The following ENTREP2 variants were observed in gnomAD, a reference collection of about 807,000 sequenced individuals.
The protein encoded by ENTREP2 is protein ENTREP2.
chr15:29,222,285 G>A, the ENTREP2 span, among the ~76,000 whole-genome samples: 21 of 152,250 alleles, frequency 1.4e-4, no homozygotes, highest in Non-Finnish European at 2.9e-4. Flanking sequence ...ACAATGTCAG[G>A]AAGTTACCCT....
At chr15:29,642,554 CATATATATACTATATACT>C in the ENTREP2 span, among the ~76,000 whole-genome samples, 1,001 of 147,436 alleles carry the variant, frequency 6.8e-3, 16 homozygotes, top group African/African-American at 0.023. Flanking sequence ...CATATATACA[CATATATATACTATATACT>C]ATATATATAC....
the ENTREP2 span, among the ~76,000 whole-genome samples, chr15:29,159,277 T>C: frequency 6.6e-6 from 1 of 151,928 alleles, no homozygotes. Context: ...CTGAAGTTGC[T>C]CATTCCTCCC....
chr15:29,408,858 CTTTT>C, the ENTREP2 span, among the ~76,000 whole-genome samples: 1 of 152,150 alleles, frequency 6.6e-6, no homozygotes, highest in Admixed American at 6.5e-5. Context: ...TGCTTCATCT[CTTTT>C]TCTTTGCTTT....
At chr15:29,384,719 G>A in the ENTREP2 span, among the ~76,000 whole-genome samples, 1 of 151,958 alleles carries the variant, frequency 6.6e-6, no homozygotes, top group South Asian at 2.1e-4. Context: ...CAACCTCCGA[G>A]ACAGCCCCCA....
At chr15:29,532,096 A>T in the ENTREP2 span, among the ~76,000 whole-genome samples, 1 of 152,218 alleles carries the variant, frequency 6.6e-6, no homozygotes, top group Non-Finnish European at 1.5e-5. Context: ...CATGTTGTAC[A>T]AGAGATCTCT....
At chr15:29,657,072 G>A in the ENTREP2 span, among the ~76,000 whole-genome samples, 757 of 152,158 alleles carry the variant, frequency 5.0e-3, 4 homozygotes, top group Admixed American at 6.8e-3. Flanking sequence ...TTTTGAGACC[G>A]AGTCTCCCGC....
chr15:29,554,782 C>G, the ENTREP2 span, among the ~76,000 whole-genome samples: 1 of 152,046 alleles, frequency 6.6e-6, no homozygotes, highest in Non-Finnish European at 1.5e-5. Context: ...GTTTTGCAAA[C>G]GGTTCAGCCT....
chr15:29,288,647 G>A, the ENTREP2 span, among the ~76,000 whole-genome samples: 4,678 of 152,260 alleles, frequency 0.031, 245 homozygotes, highest in African/African-American at 0.1. Flanking sequence ...GCACAGTAAC[G>A]TGCTGTACAG....
the ENTREP2 span, among the ~76,000 whole-genome samples, chr15:29,488,107 T>C: frequency 3.3e-5 from 5 of 152,088 alleles, no homozygotes; most frequent in African/African-American, 1.2e-4. Context: ...CTGGACTTAC[T>C]AAAGACTTTA....
the ENTREP2 span, among the ~76,000 whole-genome samples, chr15:29,225,602 A>G: frequency 6.6e-6 from 1 of 152,176 alleles, no homozygotes; most frequent in Non-Finnish European, 1.5e-5. Context: ...AAATCACAGA[A>G]AAAAACTACC....
chr15:29,266,385 A>G, the ENTREP2 span: 1 of 152,268 alleles, frequency 6.6e-6, no homozygotes, highest in Non-Finnish European at 1.5e-5. Context: ...CACAAGCTCA[A>G]GAGCAGCTTG....
At chr15:29,421,572 CTA>C in the ENTREP2 span, among the ~76,000 whole-genome samples, 4 of 152,166 alleles carry the variant, frequency 2.6e-5, no homozygotes, top group Non-Finnish European at 4.4e-5. Flanking sequence ...ACTTTTTAAA[CTA>C]TGTTTTCATT....
chr15:29,293,380 T>C, the ENTREP2 span, among the ~76,000 whole-genome samples: 5 of 151,642 alleles, frequency 3.3e-5, no homozygotes, highest in Admixed American at 6.6e-5. Flanking sequence ...CCTGAGTAGC[T>C]GGGACTACAG....
chr15:29,343,338 C>G, the ENTREP2 span, among the ~76,000 whole-genome samples: 1 of 152,040 alleles, frequency 6.6e-6, no homozygotes, highest in Non-Finnish European at 1.5e-5. Flanking sequence ...TGCGGGGGGC[C>G]TCATCCAATC....
the ENTREP2 span, among the ~76,000 whole-genome samples, chr15:29,179,786 C>G: frequency 2.0e-4 from 30 of 151,990 alleles, no homozygotes; most frequent in African/African-American, 7.2e-4. Flanking sequence ...GGGGTTTCAC[C>G]GTGTTAGCCA....
the ENTREP2 span, among the ~76,000 whole-genome samples, chr15:29,182,656 A>AAGAG: frequency 4.7e-5 from 7 of 150,362 alleles, no homozygotes; most frequent in Middle Eastern, 3.4e-3. Context: ...ATGAGAAAGA[A>AAGAG]AGAGAGAGAG....
the ENTREP2 span, among the ~76,000 whole-genome samples, chr15:29,592,811 G>C: frequency 6.6e-6 from 1 of 152,158 alleles, no homozygotes; most frequent in Non-Finnish European, 1.5e-5. Flanking sequence ...CTACTTTGTT[G>C]CTGCAAAAGC....
the ENTREP2 span, among the ~76,000 whole-genome samples, chr15:29,344,378 C>T: frequency 6.6e-6 from 1 of 152,202 alleles, no homozygotes; most frequent in Admixed American, 6.5e-5. Flanking sequence ...AACTCAAACC[C>T]TAAACATATG....
the ENTREP2 span, among the ~76,000 whole-genome samples, chr15:29,501,025 C>T: frequency 1.3e-5 from 2 of 151,862 alleles, no homozygotes; most frequent in African/African-American, 4.8e-5. Flanking sequence ...AAGAAACAGA[C>T]CTGTAGCTAA....
Sources: gnomAD v4.1 joint callset for allele counts (sites outside exome capture counted in the v4.1 genomes callset) on GRCh38, gnomAD v4.1.1 for gene constraint, MANE v1.5 for transcripts, NCBI Gene and HGNC (gene_info 2026-07-23, HGNC 2026-07-21) for gene names.